TTF1: variants seen among roughly 807,000 people sequenced by gnomAD.
The protein encoded by TTF1 is transcription termination factor 1.
Under a neutral mutation model 80.2 loss-of-function variants are expected in TTF1, and 64 were observed. The observed-to-expected ratio is 0.80, with a 90% CI of 0.65 to 0.98. The LOEUF (loss-of-function observed/expected upper bound fraction) is 0.98, where lower values mean the gene tolerates loss of function less well. TTF1 is among the 50% of genes least tolerant of loss of function. The pLI is 0.00. For synonymous variants in TTF1, 372 were observed against 382.7 expected, an observed-to-expected ratio of 0.97 and a Z score of 0.33; for missense variants, 1,023 against 1,086.2, an observed-to-expected ratio of 0.94 and a Z score of 0.82.
intron 3 of TTF1, among the ~76,000 whole-genome samples, 179 bp downstream of exon 3, chr9:132,399,856 A>G (rs1240130046): frequency 6.6e-6 from 1 of 152,168 alleles, no homozygotes. Flanking sequence ...GAAGAGGAAA[A>G]GCAAGTGCAC....
intron 7 of TTF1, among the ~76,000 whole-genome samples, chr9:132,390,298 C>T (rs1333727316): frequency 6.6e-6 from 1 of 152,108 alleles, no homozygotes; most frequent in Non-Finnish European, 1.5e-5. Flanking sequence ...TCTAATGCTG[C>T]CAACAGATTG....
At chr9:132,378,011 ATGCATGTGGTGTGAG>A (rs1315799325) in intron 10 of TTF1, among the ~76,000 whole-genome samples, 3 of 75,062 alleles carry the variant, frequency 4.0e-5, no homozygotes, top group Non-Finnish European at 7.5e-5. Context: ...GTGCGTGTGA[ATGCATGTGGTGTGAG>A]TGCATGTGGT....
At chr9:132,380,099 T>C (rs1367595059) in intron 9 of TTF1, among the ~76,000 whole-genome samples, 1 of 151,954 alleles carries the variant, frequency 6.6e-6, no homozygotes, top group Non-Finnish European at 1.5e-5. Context: ...GGATGGAGTC[T>C]CGCTCTGTCA....
At chr9:132,403,758 C>T (rs1287970420) in intron 1 of TTF1, among the ~76,000 whole-genome samples, 2 of 152,148 alleles carry the variant, frequency 1.3e-5, no homozygotes, top group Non-Finnish European at 2.9e-5. Context: ...CATGGAGAAG[C>T]CATTAGACTC....
At chr9:132,389,342 C>T (rs760491976) in intron 7 of TTF1, among the ~76,000 whole-genome samples, 85 of 151,768 alleles carry the variant, frequency 5.6e-4, no homozygotes, top group Non-Finnish European at 1.0e-3. Flanking sequence ...GCCATCCCGC[C>T]GGCTAATTTT....
rs1334534548 is a variant in TTF1 at position 132,398,276 on chromosome 9, C to T, written c.1642G>A (p.Glu548Lys). 12 of 1,609,316 alleles carry T rather than the reference C, an allele frequency of 7.5e-6. No individual in the cohort carries two copies. The highest frequency in any genetic ancestry group is 1.0e-5 in the Non-Finnish European group (12 of 1,178,486). The change falls in exon 4 of 11, where the codon GAG (glutamate) becomes AAG (lysine). Residue 548 changes from glutamate (E) to lysine (K), a missense_variant. Glu to Lys is a moderately conservative substitution (Grantham distance 56). Transcript: ENST00000334270. ...KFSVKENKQLEKNVEDFLALT... is the reference protein window; with the variant it reads ...KFSVKENKQLKKNVEDFLALT... ...GCTAGAAAGTCTTCCACATTTTTCT[C>T]TAACTGCTTATTTTCCTTTACAGAA...
intron 9 of TTF1, among the ~76,000 whole-genome samples, chr9:132,382,078 C>T (rs1350472406): frequency 6.6e-6 from 1 of 152,206 alleles, no homozygotes; most frequent in Non-Finnish European, 1.5e-5. Flanking sequence ...GCTCTGCAGC[C>T]CAGCTCTCCC....
rs759510256 is a variant in TTF1, at chr9:132,401,763, G to A, written c.1059C>T (p.Leu353=). ...GTGATCCTTCAGGGTATGCACTCTC[G>A]AGGCTCTCAGGCATGGCCACTGCCT... ...EFEAVAMPES[L]ESAYPEGSQV... Residue 353 remains leucine (L), a synonymous_variant, in exon 2 of 11, where the codon CTC becomes CTT. Transcript: ENST00000334270. 12 of 1,613,612 alleles carry A rather than the reference G, an allele frequency of 7.4e-6. No individual in the cohort carries two copies. The highest frequency in any genetic ancestry group is 3.3e-5 in the South Asian group (3 of 91,056).
In TTF1 at chr9:132,406,828, T is replaced by C. The variant is rs1265825016; in HGVS notation, c.-46A>G. On this transcript the variant is annotated 5_prime_UTR_variant, in exon 1 of 11. Coordinates refer to ENST00000334270, the MANE Select transcript of TTF1 (RefSeq NM_007344.4). ...CGCCACCTTTCTCCCAACCCGGAAG[T>C]GCTGCTGTTGAGGAAGCGGAAGTAG... 4 of 152,234 alleles carry C rather than the reference T, an allele frequency of 2.6e-5. No homozygotes were observed. The highest frequency in any genetic ancestry group is 9.6e-5 in the African/African-American group (4 of 41,462). The allele number at this position is 152,234 out of a possible 1,614,324, so 9.4% of individuals were successfully genotyped here. A position where few individuals can be genotyped will look rare whatever the true frequency, so the allele number is the denominator to read the frequency against.
chr9:132,384,335 T>C lies in TTF1; in HGVS notation c.2378+2221A>G, dbSNP rs1030223167. On this transcript the variant is annotated intron_variant, in intron 9 of 10. Coordinates refer to ENST00000334270, the MANE Select transcript of TTF1 (RefSeq NM_007344.4). The surrounding 1 kb of genome is among the most constrained non-coding windows in gnomAD (Gnocchi z 4.1). Reference sequence around the variant, plus strand: ...TGAGCTAAGAACCCATCTCAAGAAGTTGAAGAACAGCAGCAAAATAAACTC... The same window carrying C: ...TGAGCTAAGAACCCATCTCAAGAAGCTGAAGAACAGCAGCAAAATAAACTC... Among the ~76,000 whole-genome samples the C allele has an allele frequency of 7.9e-5, 12 of 152,132 alleles. No individual in the cohort carries two copies. The highest frequency in any genetic ancestry group is 7.2e-4 in the Admixed American group (11 of 15,270).
At chr9:132,399,215 G>GAAAAAAAAAAAAAAAAAAAA (rs55751097) in intron 3 of TTF1, among the ~76,000 whole-genome samples, 1 of 130,838 alleles carries the variant, frequency 7.6e-6, no homozygotes, top group Non-Finnish European at 1.6e-5. Context: ...AAAAAAAAAA[G>GAAAAAAAAAAAAAAAAAAAA]AAAAAAAAAA....
At chr9:132,403,416 C>T (rs369584214) in intron 1 of TTF1, among the ~76,000 whole-genome samples, 1 of 152,200 alleles carries the variant, frequency 6.6e-6, no homozygotes, top group South Asian at 2.1e-4. Context: ...TCCAACTCTG[C>T]GTTTAAGCCA....
intron 9 of TTF1, among the ~76,000 whole-genome samples, chr9:132,385,392 T>G (rs962984953): frequency 2.0e-5 from 3 of 152,234 alleles, no homozygotes; most frequent in Non-Finnish European, 4.4e-5. Flanking sequence ...CTGGAACTCC[T>G]GGATGTCTGG....
At chr9:132,398,028 T>C (rs1849684782) in intron 4 of TTF1, 113 bp downstream of exon 4, 2 of 783,328 alleles carry the variant, frequency 2.6e-6, no homozygotes, top group South Asian at 4.5e-5. Flanking sequence ...CAGCAGTTAA[T>C]GTGCGCCGCC....
chr9:132,402,758 A>G lies in TTF1; in HGVS notation c.64T>C (p.Cys22Arg), dbSNP rs746406231. 3.1e-6 allele frequency: 5 copies of G among 1,605,348 alleles called. No individual in the cohort carries two copies. Among genetic ancestry groups the G allele is most frequent in the African/African-American group, 2.7e-5 (2 of 74,322 alleles). ...TPVSDKKKKK[C>R]SIHKERPQKH... ...TGAGGTCTTTCCTTATGTATAGAAC[A>G]CTTTTTCTTTTTCTTGTCAGAAACT... Residue 22 changes from cysteine (C) to arginine (R), a missense_variant, in exon 2 of 11, where the codon TGT becomes CGT. By Grantham distance (180) the Cys-to-Arg change is radical. Coordinates refer to ENST00000334270, the MANE Select transcript of TTF1 (RefSeq NM_007344.4).
chr9:132,391,033 A>T (rs1849550470), intron 6 of TTF1, among the ~76,000 whole-genome samples: 2 of 152,354 alleles, frequency 1.3e-5, no homozygotes, highest in Middle Eastern at 3.4e-3. Context: ...TAAAGCCTGA[A>T]ATTATTCAAT....
intron 7 of TTF1, among the ~76,000 whole-genome samples, chr9:132,389,134 T>C (rs1029962932): frequency 2.6e-5 from 4 of 152,160 alleles, no homozygotes; most frequent in African/African-American, 7.2e-5. Context: ...TGTCCTCCTT[T>C]TAACATTGGT....
At chr9:132,396,652 A>AGG (rs1299224778) in intron 4 of TTF1, 141 bp from the exon 5 acceptor site, 4 of 674,054 alleles carry the variant, frequency 5.9e-6, no homozygotes, top group Non-Finnish European at 1.0e-5. Context: ...TCCTGAAGAA[A>AGG]GCTGTCTTGT....
In TTF1 at chr9:132,402,159, T is replaced by C. The variant is rs1849777807; in HGVS notation, c.663A>G (p.Lys221=). ...PASAHKNKSK[K]KKKKSSNREY... ...CCCGGTTACTGGACTTTTTCTTTTT[T>C]TTCTTAGACTTGTTTTTATGAGCAG... Residue 221 remains lysine, a synonymous_variant, in exon 2 of 11, where the codon AAA becomes AAG. Transcript: ENST00000334270. 1.2e-6 allele frequency: 2 copies of C among 1,614,002 alleles called. No individual in the cohort carries two copies. Among genetic ancestry groups the C allele is most frequent in the Admixed American group, 1.7e-5 (1 of 59,996 alleles).
Sources: allele counts gnomAD v4.1 joint callset (sites outside exome capture counted in the v4.1 genomes callset), GRCh38; gene constraint gnomAD v4.1.1; non-coding constraint Gnocchi (gnomAD v3.1); transcripts MANE v1.5; gene names NCBI Gene and HGNC (gene_info 2026-07-23, HGNC 2026-07-21).